DPH6: variants seen among roughly 807,000 people sequenced by gnomAD.
DPH6 encodes diphthamine biosynthesis 6.
Under a neutral mutation model 38.2 loss-of-function variants are expected in DPH6, and 33 were observed. That is an observed-to-expected ratio of 0.86 (90% CI 0.65 to 1.15). The LOEUF is 1.15. Among genes scored for constraint, DPH6 ranks in the 50% most tolerant of loss-of-function variants. The pLI is 0.00. For missense variants in DPH6, 325 were observed against 320.0 expected (o/e 1.02, Z -0.12); for synonymous variants, 108 against 103.0 (o/e 1.05, Z -0.30).
chr15:35,148,354 A>C, the DPH6 span, among the ~76,000 whole-genome samples: 43 of 152,336 alleles, frequency 2.8e-4, no homozygotes, highest in Non-Finnish European at 4.6e-4. Context: ...ATTATGTATC[A>C]GTTTCTTAAC....
chr15:35,164,648 A>G, the DPH6 span, among the ~76,000 whole-genome samples: 1 of 151,832 alleles, frequency 6.6e-6, no homozygotes, highest in African/African-American at 2.4e-5. Flanking sequence ...AAGAAGCCAC[A>G]TTTTAGAAGG....
intron 3 of DPH6, among the ~76,000 whole-genome samples, chr15:35,301,030 CA>C (rs1238309004): frequency 2.0e-5 from 3 of 152,226 alleles, no homozygotes; most frequent in Non-Finnish European, 1.5e-5. Context: ...TTGATCTGAG[CA>C]ACAAGAAAAT....
intron 3 of DPH6, among the ~76,000 whole-genome samples, chr15:35,346,520 A>G (rs2052463369): frequency 2.6e-5 from 4 of 152,072 alleles, no homozygotes; most frequent in Admixed American, 6.6e-5. Context: ...CTCTCTTTAT[A>G]TCTCAATCAG....
chr15:35,454,119 A>G (rs1194275965), intron 4 of DPH6, among the ~76,000 whole-genome samples: 1 of 152,094 alleles, frequency 6.6e-6, no homozygotes. Flanking sequence ...CAATATTATC[A>G]TTTAACCTCA....
At chr15:35,506,151 G>A (rs900769763) in intron 3 of DPH6, among the ~76,000 whole-genome samples, 2 of 151,604 alleles carry the variant, frequency 1.3e-5, no homozygotes, top group Admixed American at 6.6e-5. Context: ...TCTTATTTAG[G>A]AACCATGGCC....
intron 3 of DPH6, among the ~76,000 whole-genome samples, chr15:35,235,777 A>C (rs533755735): frequency 1.5e-4 from 23 of 152,346 alleles, no homozygotes; most frequent in Non-Finnish European, 2.8e-4. Context: ...CTCTGCTTAC[A>C]ATATTATTCT....
At chr15:35,457,898 C>T (rs890824320) in intron 3 of DPH6, among the ~76,000 whole-genome samples, 1 of 152,126 alleles carries the variant, frequency 6.6e-6, no homozygotes, top group East Asian at 1.9e-4. Flanking sequence ...CTACTACTGA[C>T]TACTACTACA....
At chr15:35,471,484 C>G (rs986769353) in intron 3 of DPH6, among the ~76,000 whole-genome samples, 2 of 152,210 alleles carry the variant, frequency 1.3e-5, no homozygotes, top group African/African-American at 4.8e-5. Context: ...GATTTACCTT[C>G]TCAAAATCAA....
chr15:35,393,365 T>C (rs1408391839), intron 6 of DPH6, among the ~76,000 whole-genome samples: 6 of 152,142 alleles, frequency 3.9e-5, no homozygotes, highest in Non-Finnish European at 8.8e-5. Flanking sequence ...AACGATGAAT[T>C]AGAAAAGAAA....
Position 35,401,091 on chromosome 15 carries a change from C to T in DPH6, c.567+9744G>A, listed in dbSNP as rs911058564. On this transcript the variant is annotated intron_variant, in intron 6 of 8. Transcript: ENST00000256538. ...GTACAGAAAAATTGAAGAAAAGGGGCTTTGCCTTTGTAACCTTTGATGACC... is the reference window on the plus strand; with the variant it reads ...GTACAGAAAAATTGAAGAAAAGGGGTTTTGCCTTTGTAACCTTTGATGACC... The T allele has an allele frequency of 1.5e-5, 14 of 904,916 alleles. No individual in the cohort carries two copies. In the African/African-American group the frequency reaches 2.1e-4, roughly 14 times the overall value. The allele number at this position is 904,916 out of a possible 1,614,324, so 56.1% of individuals were successfully genotyped here.
chr15:35,490,799 C>T (rs752121795), intron 3 of DPH6, among the ~76,000 whole-genome samples: 2 of 152,002 alleles, frequency 1.3e-5, no homozygotes, highest in African/African-American at 4.8e-5. Flanking sequence ...TGTCTTAGTC[C>T]GTTTTCTGCT....
intron 6 of DPH6, among the ~76,000 whole-genome samples, chr15:35,388,892 T>C (rs1042351791): frequency 1.6e-4 from 25 of 152,324 alleles, no homozygotes; most frequent in African/African-American, 5.8e-4. Context: ...AGCTTTTGAA[T>C]GTGTTTCCTC....
rs66521447 is a variant in DPH6, at chr15:35,478,366, T to TACAC, written c.313-23550_313-23547dup. Among the ~76,000 whole-genome samples, 1,049 of 142,132 alleles carry TACAC rather than the reference T, an allele frequency of 7.4e-3. 6 individuals carry two copies. Among genetic ancestry groups the TACAC allele is most frequent in the South Asian group, 0.021 (95 of 4,494 alleles). The allele number at this position is 142,132 out of a possible 152,430, so 93.2% of individuals were successfully genotyped here. On this transcript the variant is annotated intron_variant, in intron 3 of 8. Transcript: ENST00000256538. ...TTACCCATACACACATACCCACACA[T>TACAC]ACACACACACACACACACACACACA...
chr15:35,479,203 G>A (rs1222568722), intron 3 of DPH6, among the ~76,000 whole-genome samples: 1 of 151,998 alleles, frequency 6.6e-6, no homozygotes, highest in African/African-American at 2.4e-5. Flanking sequence ...GTAGACCTGT[G>A]TGACCAGAGG....
chr15:35,435,768 A>G (rs993955995), intron 5 of DPH6, among the ~76,000 whole-genome samples: 7 of 152,116 alleles, frequency 4.6e-5, no homozygotes, highest in African/African-American at 1.7e-4. Context: ...CCATACGGGC[A>G]TATGAGGAGG....
downstream of DPH6, among the ~76,000 whole-genome samples, chr15:35,369,055 G>T (rs2052687102): frequency 6.6e-6 from 1 of 151,804 alleles, no homozygotes; most frequent in Non-Finnish European, 1.5e-5. Flanking sequence ...AGAAGCTACT[G>T]AAGAAGATAG....
chr15:35,226,283 TTGTCTC>T (rs1270111945), intron 3 of DPH6, among the ~76,000 whole-genome samples: 2 of 152,240 alleles, frequency 1.3e-5, no homozygotes, highest in African/African-American at 4.8e-5. Flanking sequence ...CTAAAATACT[TTGTCTC>T]TGTATAGTTC....
chr15:35,317,281 G>C (rs556011414), intron 3 of DPH6, among the ~76,000 whole-genome samples: 1 of 145,016 alleles, frequency 6.9e-6, no homozygotes, highest in South Asian at 2.2e-4. Context: ...AAGAAAGAGA[G>C]AGAGAGAGAA....
At chr15:35,217,036 A>T (rs1283892148), downstream of DPH6, among the ~76,000 whole-genome samples, 1 of 152,232 alleles carries the variant, frequency 6.6e-6, no homozygotes, top group Non-Finnish European at 1.5e-5. Flanking sequence ...TTTCTCCTTA[A>T]AATCTAACTC....
Sources: allele counts gnomAD v4.1 joint callset (sites outside exome capture counted in the v4.1 genomes callset), GRCh38; gene constraint gnomAD v4.1.1; transcripts MANE v1.5; gene names NCBI Gene and HGNC (gene_info 2026-07-23, HGNC 2026-07-21).